The following CNTNAP5 variants were observed in gnomAD, a reference collection of about 807,000 sequenced individuals.
CNTNAP5 encodes contactin-associated protein-like 5.
A neutral mutation model predicts 150.2 loss-of-function variants in CNTNAP5; 72 were observed. The ratio of observed to expected loss-of-function variants is 0.48; its 90% CI spans 0.40 to 0.58. CNTNAP5 has a LOEUF of 0.58. CNTNAP5 is among the 20% of genes least tolerant of loss of function. The pLI is 0.00. For synonymous variants in CNTNAP5, 672 were observed against 619.8 expected, an observed-to-expected ratio of 1.08 and a Z score of -1.25; for missense variants, 1,636 against 1,626.2, an observed-to-expected ratio of 1.01 and a Z score of -0.10.
chr2:124,310,003 C>T (rs553482084), intron 3 of CNTNAP5, among the ~76,000 whole-genome samples: 1 of 151,706 alleles, frequency 6.6e-6, no homozygotes, highest in East Asian at 1.9e-4. Context: ...GGCTAGCTTA[C>T]ACAGTCTGTC....
intron 10 of CNTNAP5, among the ~76,000 whole-genome samples, chr2:124,543,362 A>C (rs930190540): frequency 6.6e-6 from 1 of 152,194 alleles, no homozygotes; most frequent in African/African-American, 2.4e-5. Context: ...AGAGAAATAG[A>C]CAAAATGTCT....
At chr2:124,674,534 T>C (rs1447672000) in intron 13 of CNTNAP5, among the ~76,000 whole-genome samples, 5 of 140,586 alleles carry the variant, frequency 3.6e-5, no homozygotes, top group Non-Finnish European at 6.3e-5. Flanking sequence ...TTTCTTTCTT[T>C]CTTTCTTTCT....
At chr2:124,219,797 G>A (rs566049649) in intron 1 of CNTNAP5, among the ~76,000 whole-genome samples, 1 of 152,138 alleles carries the variant, frequency 6.6e-6, no homozygotes, top group South Asian at 2.1e-4. Flanking sequence ...GTGCTTTGAG[G>A]TATGTATGCA....
At chr2:124,676,479 G>C (rs1173169182) in intron 13 of CNTNAP5, among the ~76,000 whole-genome samples, 1 of 152,162 alleles carries the variant, frequency 6.6e-6, no homozygotes, top group African/African-American at 2.4e-5. Context: ...AGGCAGATGT[G>C]ATATTAAACA....
chr2:124,188,042 G>A (rs1558792780), intron 1 of CNTNAP5, among the ~76,000 whole-genome samples: 1 of 152,146 alleles, frequency 6.6e-6, no homozygotes, highest in African/African-American at 2.4e-5. Flanking sequence ...CAGACAAAGT[G>A]TGCTTATTTC....
chr2:124,659,236 T>A (rs1678525195), intron 13 of CNTNAP5, among the ~76,000 whole-genome samples: 1 of 152,228 alleles, frequency 6.6e-6, no homozygotes, highest in Non-Finnish European at 1.5e-5. Context: ...ATTTTCATTG[T>A]CTTATTATTT....
chr2:124,328,975 G>C (rs1689284786), intron 3 of CNTNAP5, among the ~76,000 whole-genome samples: 1 of 152,144 alleles, frequency 6.6e-6, no homozygotes, highest in Admixed American at 6.6e-5. Flanking sequence ...TGAAAGAAGG[G>C]CCAGATGGCT....
At chr2:124,899,457 A>G (rs907781272) in intron 21 of CNTNAP5, among the ~76,000 whole-genome samples, 2 of 151,606 alleles carry the variant, frequency 1.3e-5, no homozygotes, top group Admixed American at 1.3e-4. Flanking sequence ...CCTTATTTTG[A>G]TGATATTTAA....
In CNTNAP5 at chr2:124,257,729, G is replaced by GC. The variant is rs113509583; in HGVS notation, c.381+15341dup. ...ATTTGGTTATAATCCACCCCCCTCC[G>GC]CCCCCACCCAACATGTTGCTCCATG... On this transcript the variant is annotated intron_variant, in intron 3 of 23. Coordinates refer to ENST00000682447, the MANE Select transcript of CNTNAP5 (RefSeq NM_001367498.1). 4.8e-3 allele frequency among the ~76,000 whole-genome samples: 703 copies of GC among 147,840 alleles called. 8 individuals are homozygous for GC. Among genetic ancestry groups the GC allele is most frequent in the African/African-American group, 0.017 (668 of 39,798 alleles).
chr2:124,377,311 C>A (rs1690674741), intron 3 of CNTNAP5, among the ~76,000 whole-genome samples: 1 of 152,050 alleles, frequency 6.6e-6, no homozygotes. Context: ...GCTAATGGGT[C>A]ACTCTTTGCC....
intron 13 of CNTNAP5, among the ~76,000 whole-genome samples, chr2:124,709,255 G>GTA (rs1435297389): frequency 1.1e-3 from 161 of 151,632 alleles, no homozygotes; most frequent in East Asian, 8.2e-3. Context: ...GTGTGTGTGT[G>GTA]TGTGCTCTTT....
At chr2:124,287,560 T>TA (rs764923609) in intron 3 of CNTNAP5, among the ~76,000 whole-genome samples, 18 of 152,278 alleles carry the variant, frequency 1.2e-4, no homozygotes, top group Non-Finnish European at 2.2e-4. Context: ...AAGAACTGCG[T>TA]AATATTGGGA....
intron 10 of CNTNAP5, among the ~76,000 whole-genome samples, chr2:124,556,828 CAGG>C (rs1174657931): frequency 6.6e-6 from 1 of 151,948 alleles, no homozygotes; most frequent in Admixed American, 6.6e-5. Flanking sequence ...ACAGGTGAAG[CAGG>C]TGGTGGGGGC....
intron 1 of CNTNAP5, among the ~76,000 whole-genome samples, chr2:124,056,281 G>C (rs1015632122): frequency 6.6e-6 from 1 of 152,140 alleles, no homozygotes; most frequent in East Asian, 1.9e-4. Context: ...CTAGCCATGT[G>C]AACTTGGGCA....
intron 10 of CNTNAP5, among the ~76,000 whole-genome samples, chr2:124,541,840 G>A (rs1256187649): frequency 6.6e-6 from 1 of 152,056 alleles, no homozygotes; most frequent in Non-Finnish European, 1.5e-5. Context: ...ACTTATATGA[G>A]GATCCAGAAG....
At chr2:124,108,440 C>T (rs1325322139) in intron 1 of CNTNAP5, among the ~76,000 whole-genome samples, 5 of 152,082 alleles carry the variant, frequency 3.3e-5, no homozygotes, top group South Asian at 2.1e-4. Flanking sequence ...CAATAGAAGA[C>T]GAGCAGCCCG....
chr2:124,444,806 G>C (rs568066035), intron 5 of CNTNAP5, among the ~76,000 whole-genome samples: 5 of 152,150 alleles, frequency 3.3e-5, no homozygotes, highest in Non-Finnish European at 7.3e-5. Context: ...AAACCTGGCT[G>C]CTGCTTCTCC....
At chr2:124,026,670 A>C (rs1481504276) in intron 1 of CNTNAP5, among the ~76,000 whole-genome samples, 1 of 152,252 alleles carries the variant, frequency 6.6e-6, no homozygotes, top group Admixed American at 6.5e-5. Context: ...TGTTGTTTCC[A>C]AAGATGGTTT....
chr2:124,556,732 G>T (rs1695763748), intron 10 of CNTNAP5, among the ~76,000 whole-genome samples: 1 of 152,080 alleles, frequency 6.6e-6, no homozygotes, highest in African/African-American at 2.4e-5. Flanking sequence ...TTGGATATAG[G>T]CTATGAGAGA....
Sources: allele counts gnomAD v4.1 joint callset (sites outside exome capture counted in the v4.1 genomes callset), GRCh38; gene constraint gnomAD v4.1.1; transcripts MANE v1.5; gene names NCBI Gene and HGNC (gene_info 2026-07-23, HGNC 2026-07-21).